HIBADH: variants seen among roughly 807,000 people sequenced by gnomAD.
HIBADH encodes 3-hydroxyisobutyrate dehydrogenase, mitochondrial.
HIBADH carries 25 observed loss-of-function variants against 36.1 expected under a neutral mutation model. That is an observed-to-expected ratio of 0.69 (90% CI 0.50 to 0.97). The LOEUF (loss-of-function observed/expected upper bound fraction) is 0.97. Among genes scored for constraint, HIBADH ranks in the 50% least tolerant of loss-of-function variants. HIBADH has a pLI of 0.00. For missense variants in HIBADH, 421 were observed against 418.0 expected, an observed-to-expected ratio of 1.01 and a Z score of -0.06; for synonymous variants, 160 against 149.5, an observed-to-expected ratio of 1.07 and a Z score of -0.51.
At chr7:27,594,181 T>G (rs1784991080) in intron 4 of HIBADH, among the ~76,000 whole-genome samples, 1 of 148,646 alleles carries the variant, frequency 6.7e-6, no homozygotes, top group Non-Finnish European at 1.5e-5. Context: ...GTTTCGCTCG[T>G]TGCCCCGGCT....
chr7:27,598,884 C>T (rs1785075198), intron 4 of HIBADH, among the ~76,000 whole-genome samples: 2 of 151,500 alleles, frequency 1.3e-5, no homozygotes, highest in Admixed American at 1.3e-4. Context: ...AGATTAGGAA[C>T]CTACAAATAC....
chr7:27,568,248 T>C (rs1426336104), intron 4 of HIBADH, among the ~76,000 whole-genome samples: 2 of 152,172 alleles, frequency 1.3e-5, no homozygotes, highest in African/African-American at 4.8e-5. Context: ...TTTTTCTGAG[T>C]TTTCCTTTAC....
intron 4 of HIBADH, among the ~76,000 whole-genome samples, chr7:27,549,753 C>T (rs982556515): frequency 1.4e-4 from 21 of 152,282 alleles, no homozygotes; most frequent in African/African-American, 4.6e-4. Context: ...GTAAAACTTA[C>T]ATCACCTCAT....
chr7:27,599,666 C>T (rs1362451300), intron 4 of HIBADH, among the ~76,000 whole-genome samples: 7 of 103,620 alleles, frequency 6.8e-5, no homozygotes, highest in South Asian at 3.5e-4. Context: ...TGGGTGACAG[C>T]GAGACTCTGT....
At chr7:27,650,758 ATTCTT>A (rs1402466737) in intron 1 of HIBADH, among the ~76,000 whole-genome samples, 6 of 149,090 alleles carry the variant, frequency 4.0e-5, no homozygotes, top group Admixed American at 3.3e-4. Context: ...GGTTTTATTT[ATTCTT>A]TTATTTTTCA....
intron 4 of HIBADH, among the ~76,000 whole-genome samples, chr7:27,544,175 A>C (rs1043441248): frequency 2.6e-5 from 4 of 152,204 alleles, no homozygotes; most frequent in African/African-American, 9.6e-5. Flanking sequence ...TTTGGATTTA[A>C]TGTGTTCAAT....
chr7:27,545,379 A>G (rs1784223325), intron 4 of HIBADH, among the ~76,000 whole-genome samples: 1 of 152,228 alleles, frequency 6.6e-6, no homozygotes, highest in African/African-American at 2.4e-5. Context: ...TGGAGGCTGC[A>G]GTGAGCTGAG....
intron 1 of HIBADH, among the ~76,000 whole-genome samples, chr7:27,656,717 T>C (rs570926520): frequency 7.9e-5 from 12 of 152,232 alleles, no homozygotes; most frequent in Non-Finnish European, 1.8e-4. Context: ...TTTTTTACCA[T>C]GAGCATGTAA....
intron 4 of HIBADH, among the ~76,000 whole-genome samples, chr7:27,597,197 A>C (rs2128289753): frequency 6.6e-6 from 1 of 152,312 alleles, no homozygotes; most frequent in South Asian, 2.1e-4. Flanking sequence ...TTACTTCCAA[A>C]AAGGATTTTG....
intron 4 of HIBADH, among the ~76,000 whole-genome samples, chr7:27,571,880 G>A (rs1784633483): frequency 6.6e-6 from 1 of 152,160 alleles, no homozygotes; most frequent in South Asian, 2.1e-4. Context: ...CATAAATTCA[G>A]AGCTACTATT....
At chr7:27,528,500 A>G (rs1477111931) in intron 7 of HIBADH, among the ~76,000 whole-genome samples, 2 of 152,208 alleles carry the variant, frequency 1.3e-5, no homozygotes, top group African/African-American at 4.8e-5. Flanking sequence ...GCTGATAGGG[A>G]GTAAGTTTGA....
At chr7:27,530,728 C>T (rs1783983728) in intron 7 of HIBADH, among the ~76,000 whole-genome samples, 1 of 151,958 alleles carries the variant, frequency 6.6e-6, no homozygotes. Context: ...TATATAAATC[C>T]ATATATTAAA....
At chr7:27,553,059 A>C (rs1408080168) in intron 4 of HIBADH, among the ~76,000 whole-genome samples, 1 of 152,220 alleles carries the variant, frequency 6.6e-6, no homozygotes, top group East Asian at 1.9e-4. Flanking sequence ...GCTCTTACAG[A>C]CTAGCCATTT....
chr7:27,636,034 C>A (rs909080758), intron 2 of HIBADH, among the ~76,000 whole-genome samples: 12 of 152,218 alleles, frequency 7.9e-5, no homozygotes, highest in African/African-American at 2.9e-4. Context: ...AATTAAAAAT[C>A]TGCTAAAATA....
chr7:27,551,217 G>A (rs139018370), intron 4 of HIBADH, among the ~76,000 whole-genome samples: 1 of 152,240 alleles, frequency 6.6e-6, no homozygotes, highest in African/African-American at 2.4e-5. Context: ...TAAGCTAAGT[G>A]TACATGTATG....
At chr7:27,565,930 T>C (rs571472946) in intron 4 of HIBADH, among the ~76,000 whole-genome samples, 1 of 152,306 alleles carries the variant, frequency 6.6e-6, no homozygotes, top group East Asian at 1.9e-4. Context: ...TACATATATA[T>C]ACATATGGAT....
At chr7:27,660,221 A>G (rs1679958468) in intron 1 of HIBADH, among the ~76,000 whole-genome samples, 1 of 152,230 alleles carries the variant, frequency 6.6e-6, no homozygotes. Flanking sequence ...AACATCACAC[A>G]TTACTATCTG....
At chr7:27,541,765 A>T (rs1361137487) in intron 5 of HIBADH, 2 of 426,972 alleles carry the variant, frequency 4.7e-6, no homozygotes, top group Admixed American at 5.4e-5. Context: ...ACTAAACATG[A>T]TAAAAAAATA....
intron 4 of HIBADH, among the ~76,000 whole-genome samples, chr7:27,584,139 T>C (rs778217583): frequency 7.9e-5 from 12 of 152,158 alleles, no homozygotes; most frequent in Non-Finnish European, 1.8e-4. Context: ...ATATCCTTCT[T>C]TTATATTAAA....
Sources: gnomAD v4.1 joint callset for allele counts (sites outside exome capture counted in the v4.1 genomes callset) on GRCh38, gnomAD v4.1.1 for gene constraint, MANE v1.5 for transcripts, NCBI Gene and HGNC (gene_info 2026-07-23, HGNC 2026-07-21) for gene names.